The following DLGAP2 variants were observed in gnomAD, a reference collection of about 807,000 sequenced individuals.
The protein encoded by DLGAP2 is disks large-associated protein 2.
A neutral mutation model predicts 100.3 loss-of-function variants in DLGAP2; 26 were observed. The observed-to-expected ratio is 0.26, with a 90% CI of 0.19 to 0.36. DLGAP2 has a LOEUF of 0.36. DLGAP2 is among the 10% of genes least tolerant of loss of function. The pLI is 1.00. For missense variants in DLGAP2, 1,858 were observed against 1,453.2 expected, an observed-to-expected ratio of 1.28 and a Z score of -4.53; for synonymous variants, 886 against 630.1, an observed-to-expected ratio of 1.41 and a Z score of -6.08.
At chr8:1,287,801 T>G (rs1799974501) in intron 3 of DLGAP2, among the ~76,000 whole-genome samples, 3 of 113,758 alleles carry the variant, frequency 2.6e-5, no homozygotes, top group African/African-American at 3.7e-5. Flanking sequence ...GTGTGTGTGG[T>G]TCTGTTAGGA....
intron 3 of DLGAP2, among the ~76,000 whole-genome samples, chr8:1,342,906 G>A (rs1007256924): frequency 2.0e-5 from 3 of 152,186 alleles, no homozygotes; most frequent in South Asian, 2.1e-4. Context: ...CGTCTTTGCC[G>A]TGAGACCAGG....
intron 5 of DLGAP2, among the ~76,000 whole-genome samples, chr8:1,560,886 C>G (rs1005691759): frequency 1.3e-5 from 2 of 152,220 alleles, no homozygotes; most frequent in Non-Finnish European, 2.9e-5. Flanking sequence ...CTTACCTGAC[C>G]TACAGCTCTG....
intron 1 of DLGAP2, among the ~76,000 whole-genome samples, chr8:751,327 A>G (rs1430821928): frequency 6.7e-6 from 1 of 149,932 alleles, no homozygotes; most frequent in East Asian, 1.9e-4. Context: ...GGAAAGGAGC[A>G]TTTTCCTGGA....
chr8:996,204 A>G (rs1800779294), intron 2 of DLGAP2, among the ~76,000 whole-genome samples: 2 of 152,204 alleles, frequency 1.3e-5, no homozygotes, highest in African/African-American at 4.8e-5. Flanking sequence ...TGGCTAGACC[A>G]AAGCCTTCTT....
At chr8:1,197,303 A>G (rs58154002) in intron 2 of DLGAP2, among the ~76,000 whole-genome samples, 2 of 144,376 alleles carry the variant, frequency 1.4e-5, no homozygotes, top group African/African-American at 2.6e-5. Flanking sequence ...ATCCCTGTCC[A>G]TGCTGACACA....
chr8:1,623,169 G>C (rs1797391819), intron 6 of DLGAP2, among the ~76,000 whole-genome samples: 1 of 152,170 alleles, frequency 6.6e-6, no homozygotes, highest in African/African-American at 2.4e-5. Flanking sequence ...GGGATCTTTG[G>C]CTCTGTGGTC....
At chr8:1,689,407 C>T (rs1477953628) in intron 12 of DLGAP2, among the ~76,000 whole-genome samples, 1 of 152,042 alleles carries the variant, frequency 6.6e-6, no homozygotes, top group Non-Finnish European at 1.5e-5. Flanking sequence ...TACGTAAAGC[C>T]ACAGATTAAG....
chr8:1,353,864 A>C (rs962571281), intron 3 of DLGAP2, among the ~76,000 whole-genome samples: 16 of 152,228 alleles, frequency 1.1e-4, no homozygotes, highest in African/African-American at 2.9e-4. Flanking sequence ...TCAATATGAA[A>C]AATGCAGGTT....
chr8:913,810 A>T (rs902894491), intron 2 of DLGAP2, among the ~76,000 whole-genome samples: 17 of 152,264 alleles, frequency 1.1e-4, no homozygotes, highest in African/African-American at 3.1e-4. Context: ...TGAATTATCC[A>T]CATGTGACTT....
chr8:766,893 A>T (rs1204379987), intron 1 of DLGAP2, among the ~76,000 whole-genome samples: 1 of 152,058 alleles, frequency 6.6e-6, no homozygotes, highest in Admixed American at 6.6e-5. Context: ...GGCGGCCTAG[A>T]CTTGTAACAT....
chr8:1,200,275 C>A (rs773498981), intron 2 of DLGAP2, among the ~76,000 whole-genome samples: 6 of 152,198 alleles, frequency 3.9e-5, no homozygotes, highest in Non-Finnish European at 8.8e-5. Flanking sequence ...CTTCATGCGC[C>A]GTCTCCAGCC....
intron 9 of DLGAP2, among the ~76,000 whole-genome samples, 157 bp from the exon 10 acceptor site, chr8:1,669,586 G>C (rs1798637077): frequency 6.6e-6 from 1 of 152,226 alleles, no homozygotes; most frequent in Non-Finnish European, 1.5e-5. Context: ...GATTGCCGCT[G>C]GGGCGGCCCA....
In DLGAP2 at chr8:1,685,916, C is replaced by CA. The variant is rs1368874783; in HGVS notation, c.2705-5612dup. 5.3e-5 allele frequency among the ~76,000 whole-genome samples: 8 copies of CA among 152,184 alleles called. No individual in the cohort carries two copies. The East Asian group carries it at 1.2e-3, about 22-fold the overall frequency. Reference sequence around the variant, plus strand: ...GCTAGAATGGCTATTATCACAAAGACAAAAAAACAGCAAATGCTGTCACAG... The same window carrying CA: ...GCTAGAATGGCTATTATCACAAAGACAAAAAAAACAGCAAATGCTGTCACAG... On this transcript the variant is annotated intron_variant, in intron 12 of 14. Transcript: ENST00000637795.
chr8:833,472 C>T (rs1340895589), intron 1 of DLGAP2, among the ~76,000 whole-genome samples: 2 of 152,132 alleles, frequency 1.3e-5, no homozygotes, highest in Admixed American at 6.5e-5. Context: ...CCTGCCTTGG[C>T]TTGTGGCCCC....
chr8:1,506,511 C>T (rs1799921805), intron 4 of DLGAP2, among the ~76,000 whole-genome samples: 1 of 152,146 alleles, frequency 6.6e-6, no homozygotes. Flanking sequence ...TGTTGCAGCT[C>T]ATAAAAGGAG....
At chr8:1,031,993 G>A (rs932898578) in intron 2 of DLGAP2, among the ~76,000 whole-genome samples, 17 of 152,270 alleles carry the variant, frequency 1.1e-4, no homozygotes, top group Middle Eastern at 3.4e-3. Context: ...GGTGTTTCCC[G>A]GGCCCTTGTG....
At chr8:1,160,125 G>C (rs761960470) in intron 2 of DLGAP2, among the ~76,000 whole-genome samples, 17 of 152,326 alleles carry the variant, frequency 1.1e-4, no homozygotes, top group Middle Eastern at 6.8e-3. Context: ...CCGTGGGTTC[G>C]GAATTGCTCT....
intron 4 of DLGAP2, among the ~76,000 whole-genome samples, chr8:1,533,866 A>C (rs1801068068): frequency 6.6e-6 from 1 of 152,154 alleles, no homozygotes; most frequent in Non-Finnish European, 1.5e-5. Context: ...CTGAGGTGGG[A>C]GGATTGCTTG....
intron 2 of DLGAP2, among the ~76,000 whole-genome samples, chr8:932,054 T>G (rs191540527): frequency 6.2e-4 from 94 of 152,356 alleles, no homozygotes; most frequent in African/African-American, 2.2e-3. Flanking sequence ...CTAGGAAATA[T>G]TGCAGCACAA....
Sources: allele counts gnomAD v4.1 joint callset (sites outside exome capture counted in the v4.1 genomes callset), GRCh38; gene constraint gnomAD v4.1.1; transcripts MANE v1.5; gene names NCBI Gene and HGNC (gene_info 2026-07-23, HGNC 2026-07-21).